GPC5: variants seen among roughly 807,000 people sequenced by gnomAD.
GPC5 encodes the protein glypican 5.
In GPC5, 47 loss-of-function variants were observed where a neutral mutation model predicts 53.9. The ratio of observed to expected loss-of-function variants is 0.87; its 90% CI spans 0.69 to 1.11. GPC5 has a LOEUF of 1.11. Ranked by LOEUF, GPC5 falls within the 50% of genes most tolerant of loss-of-function variation. The pLI, the probability that GPC5 is intolerant of heterozygous loss-of-function variation, is 0.00. For missense variants in GPC5, 748 were observed against 713.1 expected (o/e 1.05, Z -0.56); for synonymous variants, 286 against 263.3 (o/e 1.09, Z -0.84).
At chr13:92,222,708 A>C (rs1286915696) in intron 7 of GPC5, among the ~76,000 whole-genome samples, 8 of 152,088 alleles carry the variant, frequency 5.3e-5, no homozygotes, top group African/African-American at 1.9e-4. Flanking sequence ...TAGTTGGATA[A>C]TACGCCCCGA....
chr13:92,334,486 G>A (rs2043309065), intron 7 of GPC5, among the ~76,000 whole-genome samples: 1 of 152,068 alleles, frequency 6.6e-6, no homozygotes, highest in Non-Finnish European at 1.5e-5. Flanking sequence ...GCCCCTGGCT[G>A]CTCCCAAATC....
At chr13:91,820,538 A>G (rs962127980) in intron 5 of GPC5, among the ~76,000 whole-genome samples, 24 of 152,236 alleles carry the variant, frequency 1.6e-4, no homozygotes, top group African/African-American at 5.8e-4. Flanking sequence ...CCATAAATAA[A>G]TTGGTCTATC....
chr13:91,586,113 T>C (rs1253654896), intron 2 of GPC5, among the ~76,000 whole-genome samples: 1 of 150,994 alleles, frequency 6.6e-6, no homozygotes, highest in Non-Finnish European at 1.5e-5. Flanking sequence ...CTGTCCTTTT[T>C]TAAAACTTAA....
chr13:91,670,094 G>T (rs143308924), intron 2 of GPC5, among the ~76,000 whole-genome samples: 11 of 152,266 alleles, frequency 7.2e-5, no homozygotes, highest in African/African-American at 2.6e-4. Context: ...TGGTTTTGTA[G>T]AGACTATGAG....
intron 2 of GPC5, among the ~76,000 whole-genome samples, chr13:91,543,765 TTTG>T (rs2030109726): frequency 1.3e-5 from 2 of 152,304 alleles, no homozygotes; most frequent in South Asian, 4.1e-4. Context: ...TATGTCTCTT[TTTG>T]TTGTTGTTGA....
chr13:92,609,751 G>A (rs929125399), intron 7 of GPC5, among the ~76,000 whole-genome samples: 3 of 152,082 alleles, frequency 2.0e-5, no homozygotes, highest in African/African-American at 7.2e-5. Flanking sequence ...TTGAAGTTCA[G>A]GCCGGCATGT....
chr13:91,962,524 T>C (rs2040135437), intron 6 of GPC5, among the ~76,000 whole-genome samples: 1 of 152,114 alleles, frequency 6.6e-6, no homozygotes, highest in Non-Finnish European at 1.5e-5. Flanking sequence ...TAGACTTAAT[T>C]GCTAAAAATT....
At chr13:92,113,340 A>T (rs1195661093) in intron 6 of GPC5, among the ~76,000 whole-genome samples, 1 of 152,150 alleles carries the variant, frequency 6.6e-6, no homozygotes, top group Non-Finnish European at 1.5e-5. Flanking sequence ...AAGGGAAAAT[A>T]AGTGTCTACA....
chr13:92,302,502 C>T (rs926398369), intron 7 of GPC5, among the ~76,000 whole-genome samples: 3 of 152,082 alleles, frequency 2.0e-5, no homozygotes, highest in African/African-American at 7.2e-5. Context: ...AAACTGGGTA[C>T]TGCATTTATT....
chr13:92,384,342 C>T (rs1316755085), intron 7 of GPC5, among the ~76,000 whole-genome samples: 1 of 152,088 alleles, frequency 6.6e-6, no homozygotes, highest in African/African-American at 2.4e-5. Flanking sequence ...GATGAGATAT[C>T]ACAAGCACAG....
intron 7 of GPC5, among the ~76,000 whole-genome samples, chr13:92,738,533 A>G (rs1024773531): frequency 6.6e-6 from 1 of 152,138 alleles, no homozygotes; most frequent in Non-Finnish European, 1.5e-5. Flanking sequence ...GTTATAGTTA[A>G]TGTTGAAAAA....
chr13:91,636,986 C>T (rs775099084), intron 2 of GPC5, among the ~76,000 whole-genome samples: 1 of 152,050 alleles, frequency 6.6e-6, no homozygotes, highest in African/African-American at 2.4e-5. Context: ...CAAAAACAAT[C>T]AAGATTTCTT....
intron 2 of GPC5, among the ~76,000 whole-genome samples, chr13:91,473,629 A>C (rs1286367351): frequency 1.3e-5 from 2 of 152,126 alleles, no homozygotes; most frequent in Admixed American, 1.3e-4. Flanking sequence ...TGATATTTAG[A>C]GTTTAGCATC....
chr13:91,621,918 G>A (rs1454545507), intron 2 of GPC5, among the ~76,000 whole-genome samples: 6 of 151,768 alleles, frequency 4.0e-5, no homozygotes, highest in Admixed American at 3.9e-4. Flanking sequence ...AGCCAACAGT[G>A]CAGCCTTCAG....
chr13:91,980,847 G>C (rs72633763), intron 6 of GPC5, among the ~76,000 whole-genome samples: 1 of 152,276 alleles, frequency 6.6e-6, no homozygotes, highest in Non-Finnish European at 1.5e-5. Flanking sequence ...TGGGAACGTA[G>C]AGTGTGCACA....
In GPC5 at chr13:91,959,750, G is replaced by A. The variant is rs111887248; in HGVS notation, c.1401+51693G>A. On this transcript the variant is annotated intron_variant, in intron 6 of 7. Coordinates refer to ENST00000377067, the MANE Select transcript of GPC5 (RefSeq NM_004466.6). ...ATATTGTAATATGTAATAATATATC[G>A]TAAGATATCATGATTGAGTGGGATT... Among the ~76,000 whole-genome samples, 1,439 of 151,912 alleles carry A rather than the reference G, an allele frequency of 9.5e-3. 31 individuals carry two copies. Among genetic ancestry groups the A allele is most frequent in the African/African-American group, 0.032 (1,346 of 41,470 alleles).
At chr13:92,440,328 C>T (rs1877496234) in intron 7 of GPC5, among the ~76,000 whole-genome samples, 1 of 152,072 alleles carries the variant, frequency 6.6e-6, no homozygotes, top group African/African-American at 2.4e-5. Flanking sequence ...TGTTTAGCTC[C>T]CACTTATAAG....
intron 2 of GPC5, among the ~76,000 whole-genome samples, chr13:91,528,971 C>T (rs913077083): frequency 5.9e-5 from 9 of 152,216 alleles, no homozygotes; most frequent in African/African-American, 2.2e-4. Flanking sequence ...TCTCCCTCCA[C>T]ACGTCAGTAT....
chr13:92,251,352 AG>A (rs1244877814), intron 7 of GPC5, among the ~76,000 whole-genome samples: 67 of 152,222 alleles, frequency 4.4e-4, no homozygotes, highest in Middle Eastern at 3.4e-3. Context: ...TACCAGTGTA[AG>A]GTGGCTCCAC....
Sources: gnomAD v4.1 joint callset for allele counts (sites outside exome capture counted in the v4.1 genomes callset) on GRCh38, gnomAD v4.1.1 for gene constraint, MANE v1.5 for transcripts, NCBI Gene and HGNC (gene_info 2026-07-23, HGNC 2026-07-21) for gene names.